Variants in IPCEF1 observed in about 807,000 individuals in gnomAD.
IPCEF1 encodes interactor protein for cytohesin exchange factors 1.
IPCEF1 carries 31 observed loss-of-function variants against 50.9 expected under a neutral mutation model. The ratio of observed to expected loss-of-function variants is 0.61; its 90% confidence interval spans 0.46 to 0.82. The LOEUF is 0.82. IPCEF1 is among the 40% of genes least tolerant of loss of function. The pLI is 0.00. For missense variants in IPCEF1, 458 were observed against 514.0 expected, an observed-to-expected ratio of 0.89 and a Z score of 1.05; for synonymous variants, 181 against 192.0, an observed-to-expected ratio of 0.94 and a Z score of 0.47.
chr6:154,288,250 G>A (rs1485077380), intron 2 of IPCEF1, among the ~76,000 whole-genome samples: 1 of 152,220 alleles, frequency 6.6e-6, no homozygotes, highest in Non-Finnish European at 1.5e-5. Flanking sequence ...GAGGACAATA[G>A]TGATTATTGT....
chr6:154,256,563 C>G (rs865858127), intron 3 of IPCEF1, among the ~76,000 whole-genome samples: 23 of 130,810 alleles, frequency 1.8e-4, no homozygotes, highest in Non-Finnish European at 3.5e-4. Flanking sequence ...CTCTCTCTCT[C>G]TGTGCGTGTG....
At chr6:154,319,137 A>G (rs1297882460) in intron 1 of IPCEF1, among the ~76,000 whole-genome samples, 1 of 152,228 alleles carries the variant, frequency 6.6e-6, no homozygotes, top group East Asian at 1.9e-4. Context: ...TGAATGAAGT[A>G]TATTAAAATT....
chr6:154,156,313 C>G lies in IPCEF1; in HGVS notation c.*3515G>C, dbSNP rs1798712314. ...CACCAGGGCCAGCCGTATGCTAAGC[C>G]CAGTGCAATGAAACACACGCTCCCA... On this transcript the variant is annotated 3_prime_UTR_variant, in exon 12 of 12. Coordinates refer to ENST00000367220, the MANE Select transcript of IPCEF1 (RefSeq NM_001130700.2). 1 of 152,228 alleles carries G rather than the reference C, an allele frequency of 6.6e-6. No individual in the cohort carries two copies. Among genetic ancestry groups the G allele is most frequent in the Non-Finnish European group, 1.5e-5 (1 of 68,074 alleles). 9.4% of individuals were successfully genotyped at this position (152,228 alleles called of 1,614,324 possible).
At chr6:154,338,990 A>G (rs7764441) in intron 1 of IPCEF1, among the ~76,000 whole-genome samples, 18,920 of 152,126 alleles carry the variant, frequency 0.12, 1,370 homozygotes, top group South Asian at 0.34. Context: ...TGCCTCACCC[A>G]TTATCTTCAT....
At chr6:154,311,754 CT>C (rs1783082678) in intron 1 of IPCEF1, among the ~76,000 whole-genome samples, 2 of 152,090 alleles carry the variant, frequency 1.3e-5, no homozygotes, top group Non-Finnish European at 2.9e-5. Context: ...CGCCTCACCC[CT>C]GTTAGAATGG....
intron 3 of IPCEF1, among the ~76,000 whole-genome samples, chr6:154,256,754 A>G (rs770147037): frequency 1.3e-5 from 2 of 152,198 alleles, no homozygotes; most frequent in Admixed American, 6.5e-5. Context: ...CCAACTTATG[A>G]TGGATAGTTT....
intron 3 of IPCEF1, among the ~76,000 whole-genome samples, chr6:154,251,639 A>G (rs1781338461): frequency 6.6e-6 from 1 of 152,232 alleles, no homozygotes; most frequent in South Asian, 2.1e-4. Flanking sequence ...TCAAGAATAA[A>G]ACTCTGCATA....
At chr6:154,293,194 G>A (rs543660534) in intron 1 of IPCEF1, among the ~76,000 whole-genome samples, 1 of 152,312 alleles carries the variant, frequency 6.6e-6, no homozygotes, top group South Asian at 2.1e-4. Context: ...CAGCCAGAAA[G>A]AGAAACAAAC....
intron 1 of IPCEF1, among the ~76,000 whole-genome samples, chr6:154,299,373 A>G (rs2128673864): frequency 7.1e-6 from 1 of 141,434 alleles, no homozygotes; most frequent in East Asian, 2.0e-4. Context: ...ATCAACCCAA[A>G]TGCCCATCAA....
intron 5 of IPCEF1, among the ~76,000 whole-genome samples, chr6:154,242,891 G>GAAAAA (rs1780708868): frequency 4.8e-5 from 1 of 20,758 alleles, no homozygotes. Flanking sequence ...CCGTCTCAAA[G>GAAAAA]AAAAGAAAAG....
chr6:154,265,286 G>A (rs1477107639), intron 3 of IPCEF1, among the ~76,000 whole-genome samples: 1 of 145,760 alleles, frequency 6.9e-6, no homozygotes, highest in African/African-American at 2.5e-5. Flanking sequence ...TTATTATTAT[G>A]TTTTTTTTTT....
At chr6:154,346,192 C>A (rs1282004085) in intron 1 of IPCEF1, among the ~76,000 whole-genome samples, 3 of 152,036 alleles carry the variant, frequency 2.0e-5, no homozygotes, top group Non-Finnish European at 4.4e-5. Flanking sequence ...TATTAAAAAG[C>A]AAAAACATTG....
intron 10 of IPCEF1, among the ~76,000 whole-genome samples, chr6:154,175,397 T>TC (rs1267943876): frequency 1.3e-5 from 2 of 151,132 alleles, no homozygotes; most frequent in East Asian, 3.9e-4. Context: ...TTTTTTTTTT[T>TC]TGAAAAGATC....
rs138406253 is a variant in IPCEF1, at chr6:154,330,325, C to CTT, written c.-62+26345_-62+26346dup. On this transcript the variant is annotated intron_variant, in intron 1 of 11. Coordinates refer to ENST00000367220, the MANE Select transcript of IPCEF1 (RefSeq NM_001130700.2). ...AACGGGACTTCTACAATTATAGCCT[C>CTT]TTTTTTTTTTTTTTTTTTTTTTTTT... Among the ~76,000 whole-genome samples, 213 of 89,256 alleles carry CTT rather than the reference C, an allele frequency of 2.4e-3. 5 individuals are homozygous for CTT. Among genetic ancestry groups the CTT allele is most frequent in the South Asian group, 7.3e-3 (13 of 1,790 alleles). 58.6% of individuals were successfully genotyped at this position (89,256 alleles called of 152,430 possible).
intron 1 of IPCEF1, among the ~76,000 whole-genome samples, chr6:154,319,369 G>A (rs1162654790): frequency 1.3e-5 from 2 of 152,112 alleles, no homozygotes; most frequent in South Asian, 2.1e-4. Context: ...GGGGTACACA[G>A]GCAGTTCATA....
intron 1 of IPCEF1, among the ~76,000 whole-genome samples, chr6:154,351,389 C>T (rs1284876822): frequency 3.3e-5 from 5 of 152,154 alleles, no homozygotes. Flanking sequence ...GAAGCATTTC[C>T]TACGTGGTAC....
At chr6:154,192,064 G>A (rs4626436) in intron 10 of IPCEF1, among the ~76,000 whole-genome samples, 14,406 of 152,098 alleles carry the variant, frequency 0.095, 1,073 homozygotes, top group African/African-American at 0.21. Flanking sequence ...AATTCCGGCT[G>A]GATAAAGAGG....
intron 5 of IPCEF1, among the ~76,000 whole-genome samples, chr6:154,228,291 C>G (rs1779427843): frequency 7.2e-6 from 1 of 138,476 alleles, no homozygotes; most frequent in Non-Finnish European, 1.5e-5. Flanking sequence ...CATAGGCAGA[C>G]CTTGTCTCTG....
intron 3 of IPCEF1, among the ~76,000 whole-genome samples, chr6:154,255,649 ACT>A (rs1191508572): frequency 6.6e-6 from 1 of 152,156 alleles, no homozygotes; most frequent in Non-Finnish European, 1.5e-5. Context: ...TTTTGGGAGT[ACT>A]GTTAGATTTG....
Sources: allele counts gnomAD v4.1 joint callset (sites outside exome capture counted in the v4.1 genomes callset), GRCh38; gene constraint gnomAD v4.1.1; transcripts MANE v1.5; gene names NCBI Gene and HGNC (gene_info 2026-07-23, HGNC 2026-07-21).